The following PEBP4 variants were observed in gnomAD, a reference collection of about 807,000 sequenced individuals.
The protein encoded by PEBP4 is phosphatidylethanolamine binding protein 4.
PEBP4 carries 22 observed loss-of-function variants against 23.9 expected under a neutral mutation model. The ratio of observed to expected loss-of-function variants is 0.92; its 90% CI spans 0.66 to 1.31. PEBP4 has a LOEUF of 1.31. PEBP4 is among the 40% of genes most tolerant of loss of function. The pLI, the probability that PEBP4 is intolerant of heterozygous loss-of-function variation, is 0.00. For synonymous variants in PEBP4, 112 were observed against 99.3 expected, an observed-to-expected ratio of 1.13 and a Z score of -0.76; for missense variants, 324 against 281.7, an observed-to-expected ratio of 1.15 and a Z score of -1.07.
At chr8:22,918,074 A>G (rs557596855) in intron 3 of PEBP4, among the ~76,000 whole-genome samples, 1 of 152,282 alleles carries the variant, frequency 6.6e-6, no homozygotes, top group Non-Finnish European at 1.5e-5. Flanking sequence ...ACTTTTTGTC[A>G]CATGCCATTA....
chr8:22,737,924 G>A (rs1034045128), intron 4 of PEBP4, among the ~76,000 whole-genome samples: 2 of 152,208 alleles, frequency 1.3e-5, no homozygotes, highest in African/African-American at 4.8e-5. Flanking sequence ...GGACCCTGGA[G>A]GGAAAGGCTC....
At chr8:22,718,910 C>T (rs1256476748) in intron 6 of PEBP4, among the ~76,000 whole-genome samples, 5 of 152,188 alleles carry the variant, frequency 3.3e-5, no homozygotes, top group Non-Finnish European at 7.3e-5. Flanking sequence ...TTCCTCCCAG[C>T]CTCATCCCTC....
chr8:22,805,151 A>T (rs4872028), intron 4 of PEBP4, among the ~76,000 whole-genome samples: 1 of 152,046 alleles, frequency 6.6e-6, no homozygotes, highest in Non-Finnish European at 1.5e-5. Context: ...ACAGGTCAGC[A>T]CGGAGGACTT....
chr8:22,802,728 G>A (rs930556405), intron 4 of PEBP4, among the ~76,000 whole-genome samples: 6 of 152,242 alleles, frequency 3.9e-5, no homozygotes, highest in African/African-American at 1.4e-4. Flanking sequence ...AAGCGCGCAG[G>A]GAATCGCGAG....
At chr8:22,902,604 A>C in intron 3 of PEBP4, among the ~76,000 whole-genome samples, 1 of 152,172 alleles carries the variant, frequency 6.6e-6, no homozygotes, top group East Asian at 1.9e-4. Context: ...CCTGGACTCT[A>C]GCCTCAGCTC....
At position 22,751,588 on chromosome 8, in the gene PEBP4, CTGTG is replaced by C. The variant is rs139334012; in HGVS notation, c.358-24372_358-24369del. ...TTGACTTGGATAAGGAGGAGTGTGT[CTGTG>C]TGTGTGTGTGTGTGTGTCTGTGTGT... is the stretch of plus-strand genomic sequence containing the variant. On this transcript the variant is annotated intron_variant, in intron 4 of 6. Coordinates refer to ENST00000256404, the MANE Select transcript of PEBP4 (RefSeq NM_144962.3). Among the ~76,000 whole-genome samples the C allele has an allele frequency of 1.1e-3, 158 of 147,248 alleles. 2 individuals carry two copies. In the East Asian group the frequency reaches 0.019, roughly 17 times the overall value.
At chr8:22,916,098 G>A (rs979912959) in intron 3 of PEBP4, among the ~76,000 whole-genome samples, 1 of 152,182 alleles carries the variant, frequency 6.6e-6, no homozygotes, top group Non-Finnish European at 1.5e-5. Context: ...ATAGTGCCTG[G>A]GCCAAGCCTG....
chr8:22,731,936 A>C (rs1804747291), intron 4 of PEBP4, among the ~76,000 whole-genome samples: 1 of 151,614 alleles, frequency 6.6e-6, no homozygotes, highest in Non-Finnish European at 1.5e-5. Context: ...CGGCTTCCCA[A>C]AGTGCTGGGA....
intron 3 of PEBP4, among the ~76,000 whole-genome samples, chr8:22,834,184 T>A (rs1807151182): frequency 1.3e-5 from 2 of 152,232 alleles, no homozygotes; most frequent in African/African-American, 4.8e-5. Flanking sequence ...TTGGTTGCCA[T>A]ACAAATTTAG....
At chr8:22,787,771 ATGGGG>A (rs1806055191) in intron 4 of PEBP4, among the ~76,000 whole-genome samples, 1 of 152,144 alleles carries the variant, frequency 6.6e-6, no homozygotes, top group South Asian at 2.1e-4. Context: ...AAGTTCCCTG[ATGGGG>A]AATGTGGGAG....
chr8:22,898,413 A>AC (rs1808638166), intron 3 of PEBP4, among the ~76,000 whole-genome samples: 2 of 132,624 alleles, frequency 1.5e-5, no homozygotes, highest in African/African-American at 5.5e-5. Flanking sequence ...AAAAAAAAAA[A>AC]AAAAAAAAAA....
At chr8:22,907,271 C>A (rs1585336799) in intron 3 of PEBP4, among the ~76,000 whole-genome samples, 1 of 152,134 alleles carries the variant, frequency 6.6e-6, no homozygotes, top group East Asian at 1.9e-4. Context: ...ACCAGCCTGG[C>A]CAACATGGTG....
chr8:22,893,410 T>A (rs186269193), intron 3 of PEBP4, among the ~76,000 whole-genome samples: 27 of 151,912 alleles, frequency 1.8e-4, no homozygotes, highest in African/African-American at 6.3e-4. Context: ...CCTAAAAAAA[T>A]TACTAGACAT....
At chr8:22,716,098 G>A (rs1020514723) in intron 6 of PEBP4, among the ~76,000 whole-genome samples, 1 of 152,188 alleles carries the variant, frequency 6.6e-6, no homozygotes, top group Non-Finnish European at 1.5e-5. Context: ...GGCCTTGGTG[G>A]TGGGAGGCCT....
At position 22,820,825 on chromosome 8, in the gene PEBP4, G is replaced by A. The variant is rs559692050; in HGVS notation, c.259-3090C>T. Among the ~76,000 whole-genome samples, 4 of 152,094 alleles carry A rather than the reference G, an allele frequency of 2.6e-5. No homozygotes were observed. The East Asian group carries it at 5.8e-4, about 22-fold the overall frequency. ...GACCAGAGAACAGAAAGCTCTGTAC[G>A]TCATAAGTTGTTTAGAATTTATTAT... On this transcript the variant is annotated intron_variant, in intron 3 of 6. Transcript: ENST00000256404.
At position 22,834,937 on chromosome 8, in the gene PEBP4, C is replaced by T. The variant is rs183114020; in HGVS notation, c.259-17202G>A. Among the ~76,000 whole-genome samples, 3 of 152,354 alleles carry T rather than the reference C, an allele frequency of 2.0e-5. No homozygotes were observed. The East Asian group carries it at 5.8e-4, about 29-fold the overall frequency. On this transcript the variant is annotated intron_variant, in intron 3 of 6. Coordinates refer to ENST00000256404, the MANE Select transcript of PEBP4 (RefSeq NM_144962.3). Reference sequence around the variant, plus strand: ...CCCCTAGACTTCTTGTTGCATGACACAAACCAACCCCTTAGTCTCCTATGA... The same window carrying T: ...CCCCTAGACTTCTTGTTGCATGACATAAACCAACCCCTTAGTCTCCTATGA...
intron 4 of PEBP4, among the ~76,000 whole-genome samples, chr8:22,794,532 G>A (rs4872016): frequency 0.48 from 72,650 of 152,018 alleles, 17,689 homozygotes; most frequent in East Asian, 0.67. Flanking sequence ...TAATATGCCC[G>A]CCTCAGCCTC....
At position 22,934,106 on chromosome 8, in the gene PEBP4, A is replaced by T. The variant is rs149995699; in HGVS notation, c.145-6386T>A. ...ATGCACTCCCCTGGAACTGCATTCT[A>T]TTCATGAAAGGTCTGCCCCCAAGAT... On this transcript the variant is annotated intron_variant, in intron 1 of 1. Coordinates refer to the PEBP4 transcript ENST00000522278. Among the ~76,000 whole-genome samples the T allele has an allele frequency of 3.0e-4, 46 of 152,294 alleles. No homozygotes were observed. The East Asian group carries it at 7.1e-3, about 24-fold the overall frequency.
At chr8:22,908,193 T>A (rs1260422258) in intron 3 of PEBP4, among the ~76,000 whole-genome samples, 1 of 152,072 alleles carries the variant, frequency 6.6e-6, no homozygotes, top group Admixed American at 6.6e-5. Flanking sequence ...ACACCACAAA[T>A]GCATGTGAGC....
Sources: gnomAD v4.1 joint callset for allele counts (sites outside exome capture counted in the v4.1 genomes callset) on GRCh38, gnomAD v4.1.1 for gene constraint, MANE v1.5 for transcripts, NCBI Gene and HGNC (gene_info 2026-07-23, HGNC 2026-07-21) for gene names.